Variants in RFT1 observed in about 807,000 individuals in gnomAD.
RFT1 encodes RFT1 glycolipid translocator homolog, also known as man(5)GlcNAc(2)-PP-dolichol translocation protein RFT1.
RFT1 carries 43 observed loss-of-function variants against 62.2 expected under a neutral mutation model. The ratio of observed to expected loss-of-function variants is 0.69; its 90% confidence interval spans 0.54 to 0.89. RFT1 has a LOEUF of 0.89. RFT1 is among the 40% of genes least tolerant of loss of function. The pLI is 0.00. For missense variants in RFT1, 605 were observed against 649.9 expected, an observed-to-expected ratio of 0.93 and a Z score of 0.75; for synonymous variants, 262 against 264.6, an observed-to-expected ratio of 0.99 and a Z score of 0.10.
chr3:53,103,938 A>T lies in RFT1; in HGVS notation c.1102+15T>A, dbSNP rs779365531. The T allele has an allele frequency of 2.2e-5, 36 of 1,613,958 alleles. No homozygotes were observed. In the African/African-American group the frequency reaches 4.8e-4, roughly 22 times the overall value. ...TGGGAAATCAGAAAAAATCCAGAAA[A>T]ACTCTTGTGCGTACCGGATCCTGAG... On this transcript the variant is annotated intron_variant, in intron 10 of 12. Coordinates refer to ENST00000296292, the MANE Select transcript of RFT1 (RefSeq NM_052859.4).
the RFT1 span, among the ~76,000 whole-genome samples, chr3:53,083,008 CA>C: frequency 4.6e-5 from 7 of 151,424 alleles, no homozygotes; most frequent in African/African-American, 1.7e-4. Context: ...CCAGCCTGGC[CA>C]AAATGGTGAA....
chr3:53,129,284 T>C (rs1207680214), intron 1 of RFT1, among the ~76,000 whole-genome samples: 1 of 152,234 alleles, frequency 6.6e-6, no homozygotes, highest in Non-Finnish European at 1.5e-5. Context: ...ATTAAGTACT[T>C]GTAGTGTGCC....
chr3:53,078,723 CA>C, the RFT1 span, among the ~76,000 whole-genome samples: 6 of 152,336 alleles, frequency 3.9e-5, no homozygotes, highest in South Asian at 1.2e-3. Flanking sequence ...GCCCAGGCAG[CA>C]GCTCCAGATC....
the RFT1 span, among the ~76,000 whole-genome samples, chr3:53,081,272 T>TTA: frequency 3.3e-5 from 5 of 152,184 alleles, no homozygotes; most frequent in African/African-American, 1.2e-4. Flanking sequence ...TCATGAGTAT[T>TTA]TATAATGCCC....
intron 2 of RFT1, among the ~76,000 whole-genome samples, 180 bp downstream of exon 2, chr3:53,125,729 C>G (rs941979020): frequency 2.0e-5 from 3 of 152,226 alleles, no homozygotes; most frequent in African/African-American, 7.2e-5. Context: ...CCATTAAAAG[C>G]AACATCGCCT....
chr3:53,110,385 A>C (rs1370252399), intron 7 of RFT1, among the ~76,000 whole-genome samples: 1 of 152,214 alleles, frequency 6.6e-6, no homozygotes, highest in Non-Finnish European at 1.5e-5. Context: ...GCAGTAGTGA[A>C]CGGCACAGTC....
At chr3:53,128,072 T>C (rs906995549) in intron 1 of RFT1, among the ~76,000 whole-genome samples, 1 of 150,862 alleles carries the variant, frequency 6.6e-6, no homozygotes, top group Non-Finnish European at 1.5e-5. Flanking sequence ...CTGAGGCAGG[T>C]GGATCACTTG....
chr3:53,087,224 G>A (rs1385631042), downstream of RFT1, among the ~76,000 whole-genome samples: 2 of 152,140 alleles, frequency 1.3e-5, no homozygotes, highest in Non-Finnish European at 2.9e-5. Flanking sequence ...GCAACAGAAC[G>A]AGACTCTCTC....
the RFT1 span, among the ~76,000 whole-genome samples, chr3:53,071,500 G>A: frequency 6.6e-6 from 1 of 152,120 alleles, no homozygotes; most frequent in Non-Finnish European, 1.5e-5. Flanking sequence ...CAGCACACTG[G>A]CCCCAGGTCA....
chr3:53,099,293 A>G (rs1338728061), intron 11 of RFT1, 88 bp downstream of exon 11: 7 of 1,055,048 alleles, frequency 6.6e-6, no homozygotes, highest in Non-Finnish European at 8.9e-6. Context: ...CTGTAAATGC[A>G]TGTTCAGAAC....
chr3:53,119,620 T>G lies in RFT1; in HGVS notation c.696+264A>C, dbSNP rs149231530. ...TGCTCCACTGAGGGGTGGTTGCTAC[T>G]GGCATCTAGTGGTTTGAGGTCAGAG... On this transcript the variant is annotated intron_variant, in intron 6 of 12. Coordinates refer to ENST00000296292, the MANE Select transcript of RFT1 (RefSeq NM_052859.4). 2.1e-3 allele frequency among the ~76,000 whole-genome samples: 315 copies of G among 152,304 alleles called. 2 individuals are homozygous for G. The highest frequency in any genetic ancestry group is 7.3e-3 in the African/African-American group (305 of 41,560).
Position 53,111,906 on chromosome 3 carries a change from C to A in RFT1, c.699G>T (p.Ala233=), listed in dbSNP as rs763683975. The part of the protein sequence containing the change: ...DLLPNITRNG[A]FINWKEAKLT... Reference sequence around the variant, plus strand: ...GTTTAGCCTCTTTCCAGTTTATAAACGCCTAGAAGAGAAAACAAAACAAAA... The same window carrying A: ...GTTTAGCCTCTTTCCAGTTTATAAAAGCCTAGAAGAGAAAACAAAACAAAA... The change falls in exon 7 of 13, where the codon GCG becomes GCT. Residue 233 remains alanine (A), a splice_region_variant and synonymous_variant. Coordinates refer to ENST00000296292, the MANE Select transcript of RFT1 (RefSeq NM_052859.4). The A allele has an allele frequency of 4.3e-6, 7 of 1,612,422 alleles. No individual in the cohort carries two copies. In the African/African-American group the frequency reaches 6.7e-5, roughly 15 times the overall value.
At chr3:53,125,334 G>A (rs1702079146) in intron 2 of RFT1, among the ~76,000 whole-genome samples, 1 of 152,228 alleles carries the variant, frequency 6.6e-6, no homozygotes, top group African/African-American at 2.4e-5. Flanking sequence ...AAATATGCGT[G>A]GGTGTCCTTG....
chr3:53,090,862 C>A lies in RFT1; in HGVS notation c.*1041G>T, dbSNP rs1575477227. On this transcript the variant is annotated 3_prime_UTR_variant, in exon 13 of 13. Transcript: ENST00000296292. ...AAGGTGCAGAACACCTGGGCTCACACTGTAGCCTGGAGTACCAGGCCCCCA... is the reference window on the plus strand; with the variant it reads ...AAGGTGCAGAACACCTGGGCTCACAATGTAGCCTGGAGTACCAGGCCCCCA... 6.6e-6 allele frequency: 1 copy of A among 152,278 alleles called. No individual in the cohort carries two copies. The highest frequency in any genetic ancestry group is 2.4e-5 in the African/African-American group (1 of 41,462). The allele number at this position is 152,278 out of a possible 1,614,324, so 9.4% of individuals were successfully genotyped here.
chr3:53,100,892 T>TA (rs1191921181), intron 10 of RFT1, among the ~76,000 whole-genome samples: 1 of 152,076 alleles, frequency 6.6e-6, no homozygotes, highest in Non-Finnish European at 1.5e-5. Flanking sequence ...TGTCAAAACT[T>TA]ACCAAACTGT....
At chr3:53,110,195 T>G (rs1340780485) in intron 7 of RFT1, among the ~76,000 whole-genome samples, 1 of 152,226 alleles carries the variant, frequency 6.6e-6, no homozygotes, top group Non-Finnish European at 1.5e-5. Context: ...TCTTAAAACC[T>G]TGGAAGGAAA....
At chr3:53,111,240 C>A (rs1701640003) in intron 7 of RFT1, among the ~76,000 whole-genome samples, 1 of 151,858 alleles carries the variant, frequency 6.6e-6, no homozygotes, top group Non-Finnish European at 1.5e-5. Flanking sequence ...TCCGTCTCTA[C>A]TAAAAATACA....
At chr3:53,077,100 T>C in the RFT1 span, among the ~76,000 whole-genome samples, 4 of 152,200 alleles carry the variant, frequency 2.6e-5, no homozygotes, top group Admixed American at 6.5e-5. Flanking sequence ...CCTTGCAGTA[T>C]TGTTCAACCT....
intron 7 of RFT1, among the ~76,000 whole-genome samples, chr3:53,107,141 T>TG (rs1381042992): frequency 6.2e-5 from 1 of 16,082 alleles, no homozygotes; most frequent in Non-Finnish European, 1.4e-4. Flanking sequence ...AAAAGGTTTT[T>TG]TTTTTTTTTT....
Sources: gnomAD v4.1 joint callset for allele counts (sites outside exome capture counted in the v4.1 genomes callset) on GRCh38, gnomAD v4.1.1 for gene constraint, MANE v1.5 for transcripts, NCBI Gene and HGNC (gene_info 2026-07-23, HGNC 2026-07-21) for gene names.